Variants in C1QTNF12 observed in about 807,000 individuals in gnomAD.
The protein encoded by C1QTNF12 is adipolin.
Under a neutral mutation model 34.3 loss-of-function variants are expected in C1QTNF12, and 39 were observed. The observed-to-expected ratio is 1.14, with a 90% CI of 0.88 to 1.49. The LOEUF is 1.49. Ranked by LOEUF, C1QTNF12 falls within the 40% of genes most tolerant of loss-of-function variation. The probability of loss-of-function intolerance (pLI) is 0.00; values close to 1 mark genes in which losing one functional copy is unlikely to be tolerated. For missense variants in C1QTNF12, 497 were observed against 424.7 expected (o/e 1.17, Z -1.50); for synonymous variants, 220 against 196.9 (o/e 1.12, Z -0.98).
In C1QTNF12 at chr1:1,244,509, G is replaced by C. The variant is rs750775686; in HGVS notation, c.178-12C>G. The C allele has an allele frequency of 6.3e-7, 1 of 1,590,804 alleles. No homozygotes were observed. The highest frequency in any genetic ancestry group is 2.2e-5 in the East Asian group (1 of 44,694). On this transcript the variant is annotated splice_polypyrimidine_tract_variant and intron_variant, in intron 1 of 7. Transcript: ENST00000330388. ...GAGGCCTGGGATGGCTGAAGGGACGGGACGGGGCTAGCGCACTGAGGCTGC... is the reference window on the plus strand; with the variant it reads ...GAGGCCTGGGATGGCTGAAGGGACGCGACGGGGCTAGCGCACTGAGGCTGC...
upstream of C1QTNF12, chr1:1,246,779 G>A (rs1418712103): frequency 9.7e-7 from 1 of 1,027,286 alleles, no homozygotes; most frequent in Non-Finnish European, 1.2e-6. This position sits in a 1 kb window ranked among gnomAD's most constrained non-coding sequence, Gnocchi z 4.5. Flanking sequence ...CCCGCGCGGG[G>A]GCGAGGCCCA....
chr1:1,242,989 C>G, intron 6 of C1QTNF12, 73 bp downstream of exon 6: 4 of 1,560,174 alleles, frequency 2.6e-6, no homozygotes, highest in Non-Finnish European at 3.5e-6. Context: ...TGCCCAGAGA[C>G]CCCTGTGGCC....
chr1:1,246,766 G>A (rs993673893), upstream of C1QTNF12: 4 of 1,102,528 alleles, frequency 3.6e-6, no homozygotes, highest in African/African-American at 1.6e-5. This position sits in a 1 kb window ranked among gnomAD's most constrained non-coding sequence, Gnocchi z 4.5. Context: ...GGCGCTCAGA[G>A]CCCCCGCGCG....
chr1:1,243,643 C>A, intron 4 of C1QTNF12, 91 bp from the exon 5 acceptor site: 1 of 1,110,620 alleles, frequency 9.0e-7, no homozygotes, highest in South Asian at 1.4e-5. Context: ...CCGACAGCCC[C>A]TCACTCGGAG....
chr1:1,244,707 C>A, intron 1 of C1QTNF12: 3 of 565,818 alleles, frequency 5.3e-6, no homozygotes, highest in Non-Finnish European at 9.5e-6. Flanking sequence ...ACAGCCAGAG[C>A]CTGATGCCCT....
rs779916227 is a variant in C1QTNF12 at position 1,242,535 on chromosome 1, C to A, written c.*13G>T. The stretch of plus-strand genomic sequence containing the variant: ...ATCCGGCGGCAGCTCCTCGCCAGCC[C>A]CCCTGGGCGCCCTCACGTGCCCAGG... On this transcript the variant is annotated 3_prime_UTR_variant, in exon 8 of 8. Coordinates refer to ENST00000330388, the MANE Select transcript of C1QTNF12 (RefSeq NM_001014980.3). The A allele has an allele frequency of 7.7e-6, 12 of 1,550,166 alleles. No individual in the cohort carries two copies. Among genetic ancestry groups the A allele is most frequent in the Admixed American group, 2.0e-5 (1 of 51,030 alleles).
chr1:1,246,075 C>A lies in C1QTNF12; in HGVS notation c.177+439G>T, dbSNP rs562436129. 5.3e-5 allele frequency among the ~76,000 whole-genome samples: 8 copies of A among 152,274 alleles called. No individual in the cohort carries two copies. The highest frequency in any genetic ancestry group is 1.7e-4 in the African/African-American group (7 of 41,552). On this transcript the variant is annotated intron_variant, in intron 1 of 7. Transcript: ENST00000330388. The surrounding 1 kb of genome is among the most constrained non-coding windows in gnomAD (Gnocchi z 4.5). Reference sequence around the variant, plus strand: ...ACCCCCAGAAAGCACAAGGGACAGGCTCGCCATGGCGTCTCCAGCCGCAGG... The same window carrying A: ...ACCCCCAGAAAGCACAAGGGACAGGATCGCCATGGCGTCTCCAGCCGCAGG...
Position 1,244,039 on chromosome 1 carries a change from A to G in C1QTNF12, c.446T>C (p.Leu149Pro). The change falls in exon 4 of 8, where the codon CTG (leucine) becomes CCG (proline). Residue 149 changes from leucine (L) to proline (P), a missense_variant. Transcript: ENST00000330388. Reference protein sequence around the residue: ...PLLPQGAGLRLVGEAFHCRLQ... With the variant: ...PLLPQGAGLRPVGEAFHCRLQ... ...CCGGCAGTGAAAGGCCTCGCCCACC[A>G]GCCGCAGGCCCGCCCCCTGGGGCAG... The G allele has an allele frequency of 6.3e-7, 1 of 1,599,428 alleles. No homozygotes were observed. Among genetic ancestry groups the G allele is most frequent in the African/African-American group, 1.3e-5 (1 of 74,744 alleles).
At position 1,243,437 on chromosome 1, in the gene C1QTNF12, G is replaced by A. The variant is rs374205352; in HGVS notation, c.640+7C>T. 2.6e-5 allele frequency: 40 copies of A among 1,550,326 alleles called. No individual in the cohort carries two copies. Among genetic ancestry groups the A allele is most frequent in the Middle Eastern group, 3.3e-4 (2 of 6,008 alleles). On this transcript the variant is annotated splice_region_variant and intron_variant, in intron 5 of 7. Transcript: ENST00000330388. ...CACAGCACACGGCACTGCCCCATCCGGCTCACCCACGTGCAGACTGGCAGA... is the reference window on the plus strand; with the variant it reads ...CACAGCACACGGCACTGCCCCATCCAGCTCACCCACGTGCAGACTGGCAGA...
Position 1,243,366 on chromosome 1 carries a change from G to C in C1QTNF12, c.640+78C>G. ...GGTCCCTAACAGGACCCGCACCCGG[G>C]GCCGGCGATGCCAGGCGCCCCCAGA... On this transcript the variant is annotated intron_variant, in intron 5 of 7. Coordinates refer to ENST00000330388, the MANE Select transcript of C1QTNF12 (RefSeq NM_001014980.3). 3.0e-6 allele frequency: 4 copies of C among 1,353,476 alleles called. No individual in the cohort carries two copies. The South Asian group carries it at 5.1e-5, about 17-fold the overall frequency. The allele number at this position is 1,353,476 out of a possible 1,614,324, so 83.8% of individuals were successfully genotyped here.
Position 1,246,542 on chromosome 1 carries a change from G to C in C1QTNF12, c.149C>G (p.Ser50Cys). The change falls in exon 1 of 8, where the codon TCC (serine) becomes TGC (cysteine). Residue 50 changes from serine (S) to cysteine (C), a missense_variant. Transcript: ENST00000330388. The surrounding 1 kb of genome is among the most constrained non-coding windows in gnomAD (Gnocchi z 4.5). Reference sequence around the variant, plus strand: ...GGGGGCCTCGGGCAGCCCCTCGCGGGAGGACGCGCTGGCGGTGGCGTTGGG... The same window carrying C: ...GGGGGCCTCGGGCAGCCCCTCGCGGCAGGACGCGCTGGCGGTGGCGTTGGG... ...DPPNATASAS[S>C]REGLPEAPKP... 4 of 1,237,912 alleles carry C rather than the reference G, an allele frequency of 3.2e-6. No individual in the cohort carries two copies. The highest frequency in any genetic ancestry group is 7.4e-5 in the South Asian group (2 of 27,072). 76.7% of individuals were successfully genotyped at this position (1,237,912 alleles called of 1,614,324 possible).
intron 1 of C1QTNF12, 154 bp from the exon 2 acceptor site, chr1:1,244,651 C>A (rs72894066): frequency 3.1e-6 from 2 of 635,112 alleles, no homozygotes; most frequent in African/African-American, 3.6e-5. Context: ...AGAACCCTGA[C>A]GTCCCAATGC....
intron 1 of C1QTNF12, chr1:1,244,734 C>A (rs1298706897): frequency 2.0e-6 from 1 of 493,062 alleles, no homozygotes; most frequent in East Asian, 3.4e-5. Flanking sequence ...CTCACTCCTC[C>A]CCCACTCCTC....
chr1:1,246,681 A>G lies in C1QTNF12; in HGVS notation c.10T>C (p.Trp4Arg). 8.2e-7 allele frequency: 1 copy of G among 1,224,402 alleles called. No individual in the cohort carries two copies. The highest frequency in any genetic ancestry group is 4.1e-5 in the South Asian group (1 of 24,560). 75.8% of individuals were successfully genotyped at this position (1,224,402 alleles called of 1,614,324 possible). A position where few individuals can be genotyped will look rare whatever the true frequency, so the allele number is the denominator to read the frequency against. Residue 4 changes from tryptophan to arginine, a missense_variant, in exon 1 of 8, where the codon TGG becomes CGG. Physicochemically the swap from Trp to Arg is moderately radical, Grantham distance 101 (BLOSUM62 -3). Coordinates refer to ENST00000330388, the MANE Select transcript of C1QTNF12 (RefSeq NM_001014980.3). This position sits in a 1 kb window ranked among gnomAD's most constrained non-coding sequence, Gnocchi z 4.5. MRR[W>R]AWAAVVVLLG... ...AGGACCACGACCGCGGCCCAGGCCCAGCGCCGCATGGCTCCGTCCCGAGGC... is the reference window on the plus strand; with the variant it reads ...AGGACCACGACCGCGGCCCAGGCCCGGCGCCGCATGGCTCCGTCCCGAGGC...
In C1QTNF12 at chr1:1,244,366, C is replaced by A; in HGVS notation, c.294+15G>T. 2 of 1,609,310 alleles carry A rather than the reference C, an allele frequency of 1.2e-6. No homozygotes were observed. Among genetic ancestry groups the A allele is most frequent in the Non-Finnish European group, 1.7e-6 (2 of 1,177,438 alleles). The stretch of plus-strand genomic sequence containing the variant: ...TCCGGGGCTCAGACCCTGCAGCAGC[C>A]CGGGCGGGGCTCACCGGCTTCTTGT... On this transcript the variant is annotated intron_variant, in intron 2 of 7. Transcript: ENST00000330388.
chr1:1,243,511 G>C lies in C1QTNF12; in HGVS notation c.573C>G (p.Ser191Arg), dbSNP rs141218482. The C allele has an allele frequency of 6.4e-7, 1 of 1,557,926 alleles. No individual in the cohort carries two copies. Among genetic ancestry groups the C allele is most frequent in the South Asian group, 1.2e-5 (1 of 84,812 alleles). Reference sequence around the variant, plus strand: ...GGGCCGTGAACCGACCCGAGGCCAGGCTCAGACCGGAGCCTCGCAGGAAGG... The same window carrying C: ...GGGCCGTGAACCGACCCGAGGCCAGCCTCAGACCGGAGCCTCGCAGGAAGG... ...QGAFLRGSGL[S>R]LASGRFTAPV... Residue 191 changes from serine (S) to arginine (R), a missense_variant, in exon 5 of 8, where the codon AGC (serine) becomes AGG (arginine). Physicochemically the swap from Ser to Arg is moderately radical, Grantham distance 110. Coordinates refer to ENST00000330388, the MANE Select transcript of C1QTNF12 (RefSeq NM_001014980.3).
intron 5 of C1QTNF12, 120 bp downstream of exon 5, chr1:1,243,324 C>T (rs1422003392): frequency 6.3e-5 from 69 of 1,088,600 alleles, no homozygotes; most frequent in Middle Eastern, 2.2e-4. Flanking sequence ...CCAAGGCCCC[C>T]CATGGGGCAG....
upstream of C1QTNF12, chr1:1,246,805 T>A: frequency 1.3e-6 from 1 of 744,240 alleles, no homozygotes; most frequent in Non-Finnish European, 1.8e-6. This position sits in a 1 kb window ranked among gnomAD's most constrained non-coding sequence, Gnocchi z 4.5. Flanking sequence ...GCGCCCGGCC[T>A]CCGCCGCTGC....
chr1:1,243,361 C>G (rs572117763), intron 5 of C1QTNF12, 83 bp downstream of exon 5: 4 of 1,335,222 alleles, frequency 3.0e-6, no homozygotes, highest in Non-Finnish European at 4.2e-6. Context: ...AGGACCCGCA[C>G]CCGGGGCCGG....
Sources: allele counts gnomAD v4.1 joint callset (sites outside exome capture counted in the v4.1 genomes callset), GRCh38; gene constraint gnomAD v4.1.1; non-coding constraint Gnocchi (gnomAD v3.1); transcripts MANE v1.5; gene names NCBI Gene and HGNC (gene_info 2026-07-23, HGNC 2026-07-21).